Variants in SOX5 observed in about 807,000 individuals in gnomAD.
The protein encoded by SOX5 is transcription factor SOX-5.
In SOX5, 9 loss-of-function variants were observed where a neutral mutation model predicts 92.0. The ratio of observed to expected loss-of-function variants is 0.10; its 90% CI spans 0.06 to 0.17. SOX5 has a LOEUF of 0.17. Ranked by LOEUF, SOX5 falls within the 10% of genes least tolerant of loss-of-function variation. SOX5 has a pLI of 1.00. For missense variants in SOX5, 642 were observed against 944.5 expected (o/e 0.68, Z 4.20); for synonymous variants, 344 against 336.3 (o/e 1.02, Z -0.25).
chr12:23,636,934 A>T (rs913103007), intron 8 of SOX5, among the ~76,000 whole-genome samples: 50 of 152,304 alleles, frequency 3.3e-4, no homozygotes, highest in African/African-American at 1.2e-3. Context: ...TGGAGATATT[A>T]ATACATAACA....
At chr12:24,109,655 T>A (rs1185085133) in intron 4 of SOX5, among the ~76,000 whole-genome samples, 2 of 152,222 alleles carry the variant, frequency 1.3e-5, no homozygotes, top group African/African-American at 4.8e-5. Flanking sequence ...AAAAATAGAT[T>A]GATCTCTTTA....
intron 6 of SOX5, among the ~76,000 whole-genome samples, chr12:23,719,635 T>G (rs1447872542): frequency 4.6e-5 from 7 of 151,886 alleles, no homozygotes; most frequent in African/African-American, 1.7e-4. Context: ...CATGCACCTG[T>G]GGTCCTAGCC....
Position 23,786,494 on chromosome 12 carries a change from T to C in SOX5, c.482-30770A>G, listed in dbSNP as rs190738821. Among the ~76,000 whole-genome samples, 360 of 151,052 alleles carry C rather than the reference T, an allele frequency of 2.4e-3. 2 individuals carry two copies. Among genetic ancestry groups the C allele is most frequent in the African/African-American group, 8.4e-3 (346 of 41,246 alleles). ...ACTATTTTGTTTCTGTTCTAAAACA[T>C]TTAATAAACACCCACTTTTCCATTG... is the stretch of plus-strand genomic sequence containing the variant. On this transcript the variant is annotated intron_variant, in intron 3 of 14. Coordinates refer to ENST00000451604, the MANE Select transcript of SOX5 (RefSeq NM_006940.6).
chr12:23,540,096 A>T (rs1941606488), intron 13 of SOX5, among the ~76,000 whole-genome samples: 2 of 42,012 alleles, frequency 4.8e-5, no homozygotes, highest in Admixed American at 1.9e-4. Flanking sequence ...AAACAACAAT[A>T]AAAAAAAAAA....
At chr12:23,612,568 ATTTCT>A (rs1218490353) in intron 8 of SOX5, among the ~76,000 whole-genome samples, 1 of 152,168 alleles carries the variant, frequency 6.6e-6, no homozygotes, top group East Asian at 1.9e-4. Context: ...AAAATGGAAG[ATTTCT>A]TTTGAGTCCA....
At chr12:24,413,459 G>C (rs183529393) in intron 1 of SOX5, among the ~76,000 whole-genome samples, 1 of 152,320 alleles carries the variant, frequency 6.6e-6, no homozygotes, top group Non-Finnish European at 1.5e-5. Context: ...GGCCACAGGT[G>C]AATCAGTGAC....
At chr12:23,566,774 A>G (rs1367949674) in intron 10 of SOX5, among the ~76,000 whole-genome samples, 2 of 152,252 alleles carry the variant, frequency 1.3e-5, no homozygotes, top group East Asian at 1.9e-4. Flanking sequence ...TAAATGGTCA[A>G]TGAAAGCTAT....
chr12:23,888,199 T>C (rs1424854627), intron 2 of SOX5, among the ~76,000 whole-genome samples: 1 of 152,188 alleles, frequency 6.6e-6, no homozygotes, highest in Non-Finnish European at 1.5e-5. Context: ...TCATTGTATA[T>C]ATTTGAGTTG....
chr12:24,192,374 T>C (rs1046061918), intron 4 of SOX5, among the ~76,000 whole-genome samples: 8 of 152,278 alleles, frequency 5.3e-5, no homozygotes, highest in Non-Finnish European at 8.8e-5. Flanking sequence ...AAAAAATCTC[T>C]TTTAACCCTG....
Position 24,014,216 on chromosome 12 carries a change from G to A in SOX5, c.-1-118192C>T, listed in dbSNP as rs548327753. ...TGTTTAATCAATGCACTCTATGACT[G>A]GAAAGCTCAGATAAGCCAACATTCC... is the stretch of plus-strand genomic sequence containing the variant. On this transcript the variant is annotated intron_variant, in intron 4 of 4. Coordinates refer to the SOX5 transcript ENST00000446891. 2.6e-5 allele frequency among the ~76,000 whole-genome samples: 4 copies of A among 152,292 alleles called. No homozygotes were observed. In the South Asian group the frequency reaches 8.3e-4, roughly 32 times the overall value.
At position 23,550,411 on chromosome 12, in the gene SOX5, T is replaced by A. The variant is rs148658890; in HGVS notation, c.1489-3987A>T. On this transcript the variant is annotated intron_variant, in intron 11 of 14. Transcript: ENST00000451604. ...AAATGATAGTTAAACATGTGTTAGA[T>A]TCTCATTAGTTTGAAAATTTTAAGA... Among the ~76,000 whole-genome samples the A allele has an allele frequency of 2.0e-3, 303 of 152,070 alleles. 8 individuals carry two copies. Among genetic ancestry groups the A allele is most frequent in the Admixed American group, 0.016 (240 of 15,236 alleles).
At chr12:24,419,807 G>A (rs1279630950) in intron 1 of SOX5, among the ~76,000 whole-genome samples, 1 of 152,134 alleles carries the variant, frequency 6.6e-6, no homozygotes, top group Non-Finnish European at 1.5e-5. Flanking sequence ...ATTGGCAAAT[G>A]GTGATCAAAA....
chr12:23,560,005 G>T (rs561946384), intron 11 of SOX5, among the ~76,000 whole-genome samples: 3 of 152,216 alleles, frequency 2.0e-5, no homozygotes, highest in South Asian at 2.1e-4. Context: ...CCGCCTCCAG[G>T]TTCAAGCTAT....
At position 24,190,354 on chromosome 12, in the gene SOX5, T is replaced by C. The variant is rs539200887; in HGVS notation, c.-2+22989A>G. Among the ~76,000 whole-genome samples the C allele has an allele frequency of 2.8e-4, 43 of 152,362 alleles. No individual in the cohort carries two copies. In the South Asian group the frequency reaches 8.9e-3, roughly 32 times the overall value. ...TATCTAAACTCTGTTCATAAAATCT[T>C]ATCAAGGTAAAGGAGATATCAGATG... On this transcript the variant is annotated intron_variant, in intron 4 of 4. Transcript: ENST00000446891.
intron 4 of SOX5, among the ~76,000 whole-genome samples, chr12:24,109,290 T>A (rs558053704): frequency 3.5e-4 from 54 of 152,180 alleles, no homozygotes; most frequent in Non-Finnish European, 6.0e-4. Context: ...ACTTTTAAAC[T>A]GTTAGCCAAT....
At chr12:23,754,561 C>A (rs774295966) in intron 4 of SOX5, among the ~76,000 whole-genome samples, 1 of 151,702 alleles carries the variant, frequency 6.6e-6, no homozygotes, top group Non-Finnish European at 1.5e-5. Flanking sequence ...GTAATCATAG[C>A]CTAAATACAT....
rs1966108817 is a variant in SOX5 at position 24,422,624 on chromosome 12, A to T, written c.-250-53985T>A. ...TGTGGGAATTCTGCATGTTTCCAAAAATCCTTTCCACAGAGATCTAATGAA... is the reference window on the plus strand; with the variant it reads ...TGTGGGAATTCTGCATGTTTCCAAATATCCTTTCCACAGAGATCTAATGAA... On this transcript the variant is annotated intron_variant, in intron 1 of 4. Coordinates refer to the SOX5 transcript ENST00000446891. Among the ~76,000 whole-genome samples the T allele has an allele frequency of 2.0e-5, 3 of 152,208 alleles. No homozygotes were observed. The South Asian group carries it at 6.2e-4, about 31-fold the overall frequency.
intron 3 of SOX5, among the ~76,000 whole-genome samples, chr12:23,790,995 A>G (rs1423585729): frequency 2.0e-5 from 3 of 152,166 alleles, no homozygotes; most frequent in Non-Finnish European, 4.4e-5. Context: ...CATTCTTCCA[A>G]TGTCCCTCAT....
At chr12:23,788,947 A>C (rs983631164) in intron 3 of SOX5, among the ~76,000 whole-genome samples, 2 of 151,986 alleles carry the variant, frequency 1.3e-5, no homozygotes, top group African/African-American at 4.8e-5. Flanking sequence ...GATAAAAATA[A>C]ATTTATTAAG....
Sources: allele counts gnomAD v4.1 joint callset (sites outside exome capture counted in the v4.1 genomes callset), GRCh38; gene constraint gnomAD v4.1.1; transcripts MANE v1.5; gene names NCBI Gene and HGNC (gene_info 2026-07-23, HGNC 2026-07-21).